The following HSD11B1 variants were observed in gnomAD, a reference collection of about 807,000 sequenced individuals.
The protein encoded by HSD11B1 is 11-beta-hydroxysteroid dehydrogenase 1.
HSD11B1 carries 15 observed loss-of-function variants against 22.1 expected under a neutral mutation model. The ratio of observed to expected loss-of-function variants is 0.68; its 90% CI spans 0.45 to 1.04. The LOEUF (loss-of-function observed/expected upper bound fraction) is 1.04. HSD11B1 is among the 50% of genes least tolerant of loss of function. The probability of loss-of-function intolerance (pLI) is 0.00; values close to 1 mark genes in which losing one functional copy is unlikely to be tolerated. For synonymous variants in HSD11B1, 122 were observed against 125.2 expected (o/e 0.97, Z 0.17); for missense variants, 281 against 357.6 (o/e 0.79, Z 1.73).
At chr1:209,697,884 C>CTTTTTGTTTTTTTTT (rs2076800559) in intron 1 of HSD11B1, among the ~76,000 whole-genome samples, 1 of 41,586 alleles carries the variant, frequency 2.4e-5, no homozygotes, top group Non-Finnish European at 4.5e-5. Flanking sequence ...TTGTTTTTTC[C>CTTTTTGTTTTTTTTT]TTTTTTTTTT....
intron 4 of HSD11B1, among the ~76,000 whole-genome samples, chr1:209,723,631 A>G (rs540295486): frequency 1.8e-4 from 28 of 152,306 alleles, no homozygotes; most frequent in Non-Finnish European, 3.4e-4. Flanking sequence ...TTTAACTTTT[A>G]CCAAAGCTTC....
chr1:209,707,212 T>C, intron 4 of HSD11B1, 84 bp downstream of exon 4: 6 of 1,134,772 alleles, frequency 5.3e-6, no homozygotes. Flanking sequence ...TAGACATAAA[T>C]TTTTATCAGT....
upstream of HSD11B1, chr1:209,704,707 G>A: frequency 1.9e-6 from 1 of 519,178 alleles, no homozygotes. Flanking sequence ...ATGAAATGGA[G>A]TAAACATTGT....
chr1:209,717,314 A>G (rs1028381771), intron 4 of HSD11B1, among the ~76,000 whole-genome samples: 1 of 152,230 alleles, frequency 6.6e-6, no homozygotes, highest in Non-Finnish European at 1.5e-5. Context: ...AATGCTCAGC[A>G]TCACTAATCA....
chr1:209,732,189 A>G (rs1156235904), intron 4 of HSD11B1, among the ~76,000 whole-genome samples: 1 of 152,170 alleles, frequency 6.6e-6, no homozygotes, highest in African/African-American at 2.4e-5. Flanking sequence ...CTTGTTTATC[A>G]CCCTTACTAA....
chr1:209,706,332 T>C lies in HSD11B1; in HGVS notation c.220-377T>C, dbSNP rs976796064. Among the ~76,000 whole-genome samples, 3 of 152,186 alleles carry C rather than the reference T, an allele frequency of 2.0e-5. No individual in the cohort carries two copies. Among genetic ancestry groups the C allele is most frequent in the Non-Finnish European group, 1.5e-5 (1 of 68,030 alleles). On this transcript the variant is annotated intron_variant, in intron 2 of 5. Coordinates refer to ENST00000367027, the MANE Select transcript of HSD11B1 (RefSeq NM_005525.4). This position sits in a 1 kb window ranked among gnomAD's most constrained non-coding sequence, Gnocchi z 4.0. ...ATACCCATGCAGACTCCCAGACACATGCCCTCTCATGGACTCACAAACCCA... is the reference window on the plus strand; with the variant it reads ...ATACCCATGCAGACTCCCAGACACACGCCCTCTCATGGACTCACAAACCCA...
At chr1:209,692,813 G>A (rs750699054) in intron 1 of HSD11B1, among the ~76,000 whole-genome samples, 9 of 152,166 alleles carry the variant, frequency 5.9e-5, no homozygotes, top group Non-Finnish European at 7.3e-5. Context: ...ACAGGATTTG[G>A]TGGGGTCTAA....
chr1:209,704,999 C>T lies in HSD11B1; in HGVS notation c.57C>T (p.Tyr19=), dbSNP rs2076847995. The T allele has an allele frequency of 6.2e-7, 1 of 1,613,738 alleles. No homozygotes were observed. The highest frequency in any genetic ancestry group is 1.3e-5 in the African/African-American group (1 of 74,896). The change falls in exon 1 of 6, where the codon TAC becomes TAT. Residue 19 remains tyrosine, a synonymous_variant. Coordinates refer to ENST00000367027, the MANE Select transcript of HSD11B1 (RefSeq NM_005525.4). ...TTCTGGGGCTCTTCATGGCCTACTACTACTATTCTGCAAACGAGGAATTCA... is the reference window on the plus strand; with the variant it reads ...TTCTGGGGCTCTTCATGGCCTACTATTACTATTCTGCAAACGAGGAATTCA... The part of the protein sequence containing the change: ...LPILGLFMAY[Y]YYSANEEFRP...
At position 209,705,129 on chromosome 1, in the gene HSD11B1, T is replaced by G. The variant is rs1488277736; in HGVS notation, c.88+99T>G. 30 of 973,024 alleles carry G rather than the reference T, an allele frequency of 3.1e-5. No individual in the cohort carries two copies. In the East Asian group the frequency reaches 7.0e-4, roughly 23 times the overall value. The allele number at this position is 973,024 out of a possible 1,614,324, so 60.3% of individuals were successfully genotyped here. On this transcript the variant is annotated intron_variant, in intron 1 of 5. Coordinates refer to ENST00000367027, the MANE Select transcript of HSD11B1 (RefSeq NM_005525.4). ...CAAGATGTGTTCTTGATCCTCAAAG[T>G]TGGTGAAAATGAGGGAACCCTGAGT...
At chr1:209,726,761 T>C (rs1450305077) in intron 4 of HSD11B1, among the ~76,000 whole-genome samples, 1 of 152,216 alleles carries the variant, frequency 6.6e-6, no homozygotes, top group Non-Finnish European at 1.5e-5. Flanking sequence ...TTCTTCTATG[T>C]ACCTTGAGCA....
At position 209,705,850 on chromosome 1, in the gene HSD11B1, G is replaced by T. The variant is rs773591632; in HGVS notation, c.128G>T (p.Ser43Ile). 1 of 1,614,018 alleles carries T rather than the reference G, an allele frequency of 6.2e-7. No individual in the cohort carries two copies. Among genetic ancestry groups the T allele is most frequent in the South Asian group, 1.1e-5 (1 of 91,080 alleles). ...AAGAAAGTGATTGTCACAGGGGCCAGCAAAGGGATCGGAAGAGAGATGGCT... is the reference window on the plus strand; with the variant it reads ...AAGAAAGTGATTGTCACAGGGGCCATCAAAGGGATCGGAAGAGAGATGGCT... ...QGKKVIVTGASKGIGREMAYH... is the reference protein window; with the variant it reads ...QGKKVIVTGAIKGIGREMAYH... Residue 43 changes from serine to isoleucine, a missense_variant, in exon 2 of 6, where the codon AGC becomes ATC. Transcript: ENST00000367027.
Position 209,732,533 on chromosome 1 carries a change from G to A in HSD11B1, c.615G>A (p.Arg205=). The A allele has an allele frequency of 6.2e-7, 1 of 1,613,848 alleles. No individual in the cohort carries two copies. Among genetic ancestry groups the A allele is most frequent in the Non-Finnish European group, 8.5e-7 (1 of 1,179,860 alleles). The change falls in exon 5 of 6, where the codon AGG becomes AGA. Residue 205 remains arginine (R), a synonymous_variant. Coordinates refer to ENST00000367027, the MANE Select transcript of HSD11B1 (RefSeq NM_005525.4). ...TCAGAAAGGAATATTCAGTGTCCAG[G>A]GTCAATGTATCAATCACTCTCTGTG... ...SSIRKEYSVS[R]VNVSITLCVL... is the part of the protein sequence containing the mutation.
At chr1:209,692,538 G>C (rs903064865) in intron 1 of HSD11B1, among the ~76,000 whole-genome samples, 5 of 146,300 alleles carry the variant, frequency 3.4e-5, no homozygotes, top group African/African-American at 1.3e-4. Flanking sequence ...AGGGTGGTCA[G>C]GCACCCCCTG....
chr1:209,725,418 G>T (rs867534372), intron 4 of HSD11B1, among the ~76,000 whole-genome samples: 1 of 152,140 alleles, frequency 6.6e-6, no homozygotes, highest in African/African-American at 2.4e-5. Context: ...TCATCAAGCA[G>T]AATTTACAAC....
intron 1 of HSD11B1, among the ~76,000 whole-genome samples, chr1:209,690,521 AC>A (rs2076753439): frequency 2.0e-5 from 3 of 152,028 alleles, no homozygotes; most frequent in Admixed American, 2.0e-4. Context: ...ACATAGTGAA[AC>A]CCCATCTCTA....
At chr1:209,719,779 A>T (rs2076954393) in intron 4 of HSD11B1, among the ~76,000 whole-genome samples, 1 of 152,146 alleles carries the variant, frequency 6.6e-6, no homozygotes, top group South Asian at 2.1e-4. Context: ...TATGTGCCAC[A>T]TTTGCTTAAT....
At chr1:209,689,813 T>A (rs1271909246) in intron 1 of HSD11B1, among the ~76,000 whole-genome samples, 1 of 152,158 alleles carries the variant, frequency 6.6e-6, no homozygotes. Context: ...CTTTAAAAAC[T>A]ACTCAGCTTC....
intron 4 of HSD11B1, among the ~76,000 whole-genome samples, chr1:209,714,496 T>C (rs972554845): frequency 1.3e-5 from 2 of 152,206 alleles, no homozygotes; most frequent in Non-Finnish European, 2.9e-5. Context: ...AATGATAAAA[T>C]AGCTTGCTAG....
chr1:209,720,500 C>T (rs1249835145), intron 4 of HSD11B1, among the ~76,000 whole-genome samples: 1 of 151,466 alleles, frequency 6.6e-6, no homozygotes, highest in Non-Finnish European at 1.5e-5. Context: ...ATCCACATGA[C>T]ATTCTCTTGC....
Sources: gnomAD v4.1 joint callset for allele counts (sites outside exome capture counted in the v4.1 genomes callset) on GRCh38, gnomAD v4.1.1 for gene constraint, Gnocchi (gnomAD v3.1) non-coding constraint, MANE v1.5 for transcripts, NCBI Gene and HGNC (gene_info 2026-07-23, HGNC 2026-07-21) for gene names.